Variants in CNBD1 observed in about 807,000 individuals in gnomAD.
The protein encoded by CNBD1 is cyclic nucleotide binding domain containing 1.
Under a neutral mutation model 54.4 loss-of-function variants are expected in CNBD1, and 71 were observed. That is an observed-to-expected ratio of 1.30 (90% CI 1.08 to 1.59). The LOEUF (loss-of-function observed/expected upper bound fraction) is 1.59, where lower values mean the gene tolerates loss of function less well. Ranked by LOEUF, CNBD1 falls within the 40% of genes most tolerant of loss-of-function variation. The pLI is 0.00. For synonymous variants in CNBD1, 182 were observed against 170.7 expected (o/e 1.07, Z -0.51); for missense variants, 659 against 518.0 (o/e 1.27, Z -2.64).
At chr8:87,214,874 C>T (rs1688867437) in intron 5 of CNBD1, among the ~76,000 whole-genome samples, 1 of 152,160 alleles carries the variant, frequency 6.6e-6, no homozygotes, top group Non-Finnish European at 1.5e-5. Context: ...AGTTATCTCC[C>T]ACCTGGTCCC....
At chr8:87,347,672 G>A (rs779582630) in intron 8 of CNBD1, among the ~76,000 whole-genome samples, 3 of 152,110 alleles carry the variant, frequency 2.0e-5, no homozygotes, top group Admixed American at 6.5e-5. Flanking sequence ...TGAGGTAAAT[G>A]TATGGTTTAA....
At chr8:87,386,565 T>C (rs936175423), downstream of CNBD1, among the ~76,000 whole-genome samples, 1 of 151,770 alleles carries the variant, frequency 6.6e-6, no homozygotes, top group Non-Finnish European at 1.5e-5. Flanking sequence ...GAAAAAAGAA[T>C]AAAAAGAAAT....
At chr8:87,355,896 A>G (rs10955265) in intron 10 of CNBD1, among the ~76,000 whole-genome samples, 24,377 of 152,108 alleles carry the variant, frequency 0.16, 2,676 homozygotes, top group African/African-American at 0.32. Flanking sequence ...TGGATCCTTT[A>G]TGAATGGCTT....
intron 8 of CNBD1, among the ~76,000 whole-genome samples, chr8:87,341,223 C>A (rs1230807444): frequency 1.3e-5 from 2 of 152,018 alleles, no homozygotes; most frequent in East Asian, 3.9e-4. Flanking sequence ...AGCACTGGTC[C>A]TCTGGAGAAG....
intron 4 of CNBD1, among the ~76,000 whole-genome samples, chr8:87,026,792 T>TC (rs1809655725): frequency 6.6e-6 from 1 of 152,322 alleles, no homozygotes; most frequent in African/African-American, 2.4e-5. Flanking sequence ...TACGTAGGTA[T>TC]TTTTCCCAAT....
chr8:87,088,561 T>G (rs1795382335), intron 4 of CNBD1, among the ~76,000 whole-genome samples: 1 of 152,140 alleles, frequency 6.6e-6, no homozygotes, highest in Non-Finnish European at 1.5e-5. Flanking sequence ...ATTGAAAAAT[T>G]TTAAAATCAC....
At chr8:87,393,820 T>C (rs961953659) in intron 2 of CNBD1, among the ~76,000 whole-genome samples, 16 of 151,814 alleles carry the variant, frequency 1.1e-4, no homozygotes, top group African/African-American at 3.9e-4. Context: ...CAGATTTGGA[T>C]ACATTAATGG....
chr8:86,883,392 GTTTGA>G (rs1287008558), intron 1 of CNBD1, among the ~76,000 whole-genome samples: 1 of 152,148 alleles, frequency 6.6e-6, no homozygotes, highest in African/African-American at 2.4e-5. Context: ...GGGCTGGAGA[GTTTGA>G]TTTGAGAATC....
At chr8:86,982,239 C>T (rs888132722) in intron 4 of CNBD1, among the ~76,000 whole-genome samples, 9 of 152,172 alleles carry the variant, frequency 5.9e-5, no homozygotes, top group Non-Finnish European at 1.3e-4. Context: ...ATATCTTCTT[C>T]TTATTGACTT....
chr8:87,100,204 G>T (rs569000890), intron 4 of CNBD1, among the ~76,000 whole-genome samples: 2 of 152,252 alleles, frequency 1.3e-5, no homozygotes, highest in Admixed American at 1.3e-4. Context: ...AGAAGTTTCA[G>T]TGGTGTTAGG....
intron 10 of CNBD1, among the ~76,000 whole-genome samples, chr8:87,364,508 ATG>A (rs1460113429): frequency 6.9e-6 from 1 of 143,960 alleles, no homozygotes; most frequent in Non-Finnish European, 1.5e-5. Flanking sequence ...ATTTTATTTT[ATG>A]TTCAGAAGTA....
chr8:86,919,274 G>A (rs571831898), intron 3 of CNBD1, among the ~76,000 whole-genome samples: 1 of 152,212 alleles, frequency 6.6e-6, no homozygotes, highest in South Asian at 2.1e-4. Context: ...GAAACCTTTA[G>A]ACAAATTAAA....
At chr8:87,409,284 G>C (rs757807502) in intron 2 of CNBD1, among the ~76,000 whole-genome samples, 1 of 152,082 alleles carries the variant, frequency 6.6e-6, no homozygotes, top group Non-Finnish European at 1.5e-5. Context: ...GATCAAATAA[G>C]CCACAACACT....
chr8:87,164,248 G>A (rs751695111), intron 4 of CNBD1, among the ~76,000 whole-genome samples: 20 of 151,820 alleles, frequency 1.3e-4, no homozygotes, highest in Non-Finnish European at 2.5e-4. Context: ...GTAATGGCCT[G>A]TAATTTTATT....
intron 2 of CNBD1, among the ~76,000 whole-genome samples, chr8:87,389,207 C>G (rs1811256791): frequency 6.6e-6 from 1 of 152,170 alleles, no homozygotes; most frequent in African/African-American, 2.4e-5. Flanking sequence ...GGGATGCCCT[C>G]TCTCACCGCT....
At chr8:87,321,673 G>A (rs1012742216) in intron 8 of CNBD1, among the ~76,000 whole-genome samples, 2 of 151,804 alleles carry the variant, frequency 1.3e-5, no homozygotes, top group South Asian at 2.1e-4. Context: ...TTCCTTTGCT[G>A]CACAAAAACT....
chr8:87,327,647 C>T (rs1013969185), intron 8 of CNBD1, among the ~76,000 whole-genome samples: 7 of 152,304 alleles, frequency 4.6e-5, no homozygotes, highest in South Asian at 4.1e-4. Flanking sequence ...GGCAGTGCCT[C>T]GCCCTGCTTC....
intron 6 of CNBD1, among the ~76,000 whole-genome samples, chr8:87,258,562 C>G (rs1317850219): frequency 6.6e-6 from 1 of 151,966 alleles, no homozygotes; most frequent in Non-Finnish European, 1.5e-5. Flanking sequence ...AAGTGCTTTA[C>G]AGGCATGAAC....
chr8:87,133,600 G>C (rs1300622044), intron 4 of CNBD1, among the ~76,000 whole-genome samples: 1 of 151,884 alleles, frequency 6.6e-6, no homozygotes, highest in Admixed American at 6.6e-5. Flanking sequence ...CCCTTCTGTG[G>C]GTTCATGTTC....
Sources: gnomAD v4.1 joint callset for allele counts (sites outside exome capture counted in the v4.1 genomes callset) on GRCh38, gnomAD v4.1.1 for gene constraint, MANE v1.5 for transcripts, NCBI Gene and HGNC (gene_info 2026-07-23, HGNC 2026-07-21) for gene names.